ACTN2: variants seen among roughly 807,000 people sequenced by gnomAD.
ACTN2 encodes the protein alpha-actinin-2.
ACTN2 carries 39 observed loss-of-function variants against 113.8 expected under a neutral mutation model. The observed-to-expected ratio is 0.34, with a 90% CI of 0.27 to 0.45. The LOEUF (loss-of-function observed/expected upper bound fraction) is 0.45. Ranked by LOEUF, ACTN2 falls within the 20% of genes least tolerant of loss-of-function variation. ACTN2 has a pLI of 1.00. For missense variants in ACTN2, 992 were observed against 1,177.9 expected, an observed-to-expected ratio of 0.84 and a Z score of 2.31; for synonymous variants, 429 against 444.1, an observed-to-expected ratio of 0.97 and a Z score of 0.43.
At chr1:236,716,732 G>A (rs1045575059) in intron 1 of ACTN2, among the ~76,000 whole-genome samples, 1 of 151,666 alleles carries the variant, frequency 6.6e-6, no homozygotes, top group Non-Finnish European at 1.5e-5. Flanking sequence ...TTGTTCACCC[G>A]AGATAAACTA....
intron 4 of ACTN2, among the ~76,000 whole-genome samples, chr1:236,720,916 C>G (rs1658363602): frequency 3.8e-5 from 1 of 26,536 alleles, no homozygotes; most frequent in Non-Finnish European, 7.9e-4. Context: ...CCCCTTCTGA[C>G]TCTGTAATCC....
At chr1:236,742,535 T>TA (rs140346044) in intron 10 of ACTN2, among the ~76,000 whole-genome samples, 5,589 of 150,962 alleles carry the variant, frequency 0.037, 251 homozygotes, top group African/African-American at 0.11. Flanking sequence ...TCCATTTCTT[T>TA]AAAAAAAAAC....
intron 9 of ACTN2, among the ~76,000 whole-genome samples, chr1:236,738,173 C>A (rs1377172528): frequency 6.6e-6 from 1 of 152,188 alleles, no homozygotes. Context: ...CCACACCCAG[C>A]TAATTTTGTA....
intron 1 of ACTN2, among the ~76,000 whole-genome samples, chr1:236,687,124 C>G (rs1279962203): frequency 6.6e-6 from 1 of 152,052 alleles, no homozygotes; most frequent in Non-Finnish European, 1.5e-5. Flanking sequence ...TGACCTTGGC[C>G]CCCGAGTTAT....
At chr1:236,750,391 G>A (rs1186201421) in intron 14 of ACTN2, among the ~76,000 whole-genome samples, 3 of 152,142 alleles carry the variant, frequency 2.0e-5, no homozygotes, top group African/African-American at 2.4e-5. Flanking sequence ...AAGAGGCTCC[G>A]ATGGTGTTTC....
At chr1:236,712,381 A>G (rs1658053313) in intron 1 of ACTN2, among the ~76,000 whole-genome samples, 1 of 152,184 alleles carries the variant, frequency 6.6e-6, no homozygotes, top group African/African-American at 2.4e-5. Flanking sequence ...TTTTTTCTGC[A>G]TTTAAGTTAG....
In ACTN2 at chr1:236,744,641, T is replaced by C. The variant is rs760877237; in HGVS notation, c.1271T>C (p.Leu424Ser). 4 of 1,614,060 alleles carry C rather than the reference T, an allele frequency of 2.5e-6. No individual in the cohort carries two copies. The highest frequency in any genetic ancestry group is 2.5e-6 in the Non-Finnish European group (3 of 1,180,040). ...ACCTTTGCAGGCAAAGAGCAGATCT[T>C]GCTGCAGAAGGATTACGAGTCGGCG... ...ETWAYGKEQI[L>S]LQKDYESASL... Residue 424 changes from leucine to serine, a missense_variant, in exon 12 of 21, where the codon TTG (leucine) becomes TCG (serine). Around this residue, in one of 3 missense-constraint regions of ACTN2, gnomAD observed 736 missense variants for 815.4 expected, o/e 0.90. Coordinates refer to ENST00000366578, the MANE Select transcript of ACTN2 (RefSeq NM_001103.4).
chr1:236,703,299 G>A (rs1022482191), intron 1 of ACTN2, among the ~76,000 whole-genome samples: 12 of 152,166 alleles, frequency 7.9e-5, no homozygotes, highest in African/African-American at 1.9e-4. Context: ...CGTAGTTTGT[G>A]CCAGCCTGGG....
rs765055636 is a variant in ACTN2, at chr1:236,743,074, GA to G, written c.1255+36del. On this transcript the variant is annotated intron_variant, in intron 11 of 20. Transcript: ENST00000366578. ...TAGACAGGAGTCAGATTGGATTTTT[GA>G]AAAACCAGAGTTGAGCCATGCCCAG... 14 of 1,613,314 alleles carry G rather than the reference GA, an allele frequency of 8.7e-6. No homozygotes were observed. The African/African-American group carries it at 1.9e-4, about 22-fold the overall frequency.
At chr1:236,736,586 C>T (rs775425528) in intron 8 of ACTN2, 2 of 1,486,810 alleles carry the variant, frequency 1.3e-6, no homozygotes, top group African/African-American at 1.5e-5. Flanking sequence ...GCACACTCAG[C>T]TCTGTGGAAG....
At position 236,739,457 on chromosome 1, in the gene ACTN2, C is replaced by T. The variant is rs764202471; in HGVS notation, c.1032C>T (p.Asn344=). Residue 344 remains asparagine, a synonymous_variant, in exon 10 of 21, where the codon AAC becomes AAT. Transcript: ENST00000366578. The stretch of plus-strand genomic sequence containing the variant: ...AGGAGAAATGCCAGCTGGAGATCAA[C>T]TTCAACACGCTGCAGACCAAGCTGC... ...KVQEKCQLEI[N]FNTLQTKLRI... 1.9e-5 allele frequency: 31 copies of T among 1,614,186 alleles called. No individual in the cohort carries two copies. The highest frequency in any genetic ancestry group is 2.6e-5 in the Non-Finnish European group (31 of 1,180,040).
At chr1:236,721,950 G>T (rs1424213636) in intron 4 of ACTN2, among the ~76,000 whole-genome samples, 1 of 152,024 alleles carries the variant, frequency 6.6e-6, no homozygotes, top group Non-Finnish European at 1.5e-5. Context: ...TTATTAACAT[G>T]CCCAAAGCAA....
intron 4 of ACTN2, among the ~76,000 whole-genome samples, chr1:236,721,051 G>A (rs112736198): frequency 0.094 from 3,449 of 36,764 alleles, 226 homozygotes; most frequent in African/African-American, 0.26. Context: ...TTTTTGAGAC[G>A]GAGTCTCACT....
chr1:236,755,217 C>T lies in ACTN2; in HGVS notation c.2154+19C>T, dbSNP rs1484623448. On this transcript the variant is annotated intron_variant, in intron 17 of 20. Coordinates refer to ENST00000366578, the MANE Select transcript of ACTN2 (RefSeq NM_001103.4). ...GATGGAGGTACGGCAGCCAGACAGG[C>T]GTGTGCCGCTCACTTCTCACGGGGA... The T allele has an allele frequency of 5.0e-6, 8 of 1,613,962 alleles. No homozygotes were observed. Among genetic ancestry groups the T allele is most frequent in the Admixed American group, 1.7e-5 (1 of 60,026 alleles).
intron 7 of ACTN2, among the ~76,000 whole-genome samples, chr1:236,735,038 GTTATTC>G (rs1658825287): frequency 6.6e-6 from 1 of 152,146 alleles, no homozygotes; most frequent in Non-Finnish European, 1.5e-5. Context: ...TAGATGTTTT[GTTATTC>G]TTGGTGATTT....
chr1:236,741,259 C>T (rs114013841), intron 10 of ACTN2, among the ~76,000 whole-genome samples: 2,086 of 151,894 alleles, frequency 0.014, 53 homozygotes, highest in African/African-American at 0.047. Flanking sequence ...AGGGGCGGCC[C>T]AAACTCCTGG....
At chr1:236,687,386 G>C (rs1026919326) in intron 1 of ACTN2, among the ~76,000 whole-genome samples, 7 of 152,172 alleles carry the variant, frequency 4.6e-5, no homozygotes, top group African/African-American at 1.7e-4. Context: ...GAGTCAGCCA[G>C]CTTCTAAAAG....
rs948471554 is a variant in ACTN2 at position 236,764,441 on chromosome 1, T to C, written c.*1822T>C. 11 of 152,152 alleles carry C rather than the reference T, an allele frequency of 7.2e-5. No homozygotes were observed. Among genetic ancestry groups the C allele is most frequent in the Non-Finnish European group, 1.2e-4 (8 of 68,022 alleles). 9.4% of individuals were successfully genotyped at this position (152,152 alleles called of 1,614,324 possible). On this transcript the variant is annotated 3_prime_UTR_variant, in exon 21 of 21. Transcript: ENST00000366578. ...CATCTACCTAAACTTTTAATTTCTT[T>C]ACAACATTCAGCAAGAGAGGGGGTC...
chr1:236,696,916 C>T (rs1319444990), intron 1 of ACTN2, among the ~76,000 whole-genome samples: 2 of 152,140 alleles, frequency 1.3e-5, no homozygotes, highest in African/African-American at 4.8e-5. Context: ...TCCACCTTGG[C>T]CTCCCAAAGT....
Sources: gnomAD v4.1 joint callset for allele counts (sites outside exome capture counted in the v4.1 genomes callset) on GRCh38, gnomAD v4.1.1 for gene constraint, gnomAD v4.1.1 regional missense constraint, MANE v1.5 for transcripts, NCBI Gene and HGNC (gene_info 2026-07-23, HGNC 2026-07-21) for gene names.